Variants in PSMB7 observed in about 807,000 individuals in gnomAD.
The protein encoded by PSMB7 is proteasome 20S subunit beta 7.
Under a neutral mutation model 28.1 loss-of-function variants are expected in PSMB7, and 5 were observed. The ratio of observed to expected loss-of-function variants is 0.18; its 90% CI spans 0.09 to 0.37. PSMB7 has a LOEUF of 0.37. Ranked by LOEUF, PSMB7 falls within the 10% of genes least tolerant of loss-of-function variation. The probability of loss-of-function intolerance (pLI) is 1.00; values close to 1 mark genes in which losing one functional copy is unlikely to be tolerated. For missense variants in PSMB7, 275 were observed against 346.2 expected (o/e 0.79, Z 1.63); for synonymous variants, 122 against 123.7 (o/e 0.99, Z 0.09).
intron 6 of PSMB7, among the ~76,000 whole-genome samples, chr9:124,369,323 A>G (rs1830538737): frequency 6.6e-6 from 1 of 152,186 alleles, no homozygotes; most frequent in African/African-American, 2.4e-5. Flanking sequence ...AACTTTAACT[A>G]CCTTCCTGAG....
chr9:124,362,751 G>A (rs1830474834), intron 6 of PSMB7, among the ~76,000 whole-genome samples: 1 of 152,088 alleles, frequency 6.6e-6, no homozygotes, highest in Non-Finnish European at 1.5e-5. Context: ...TTGAGGTAAT[G>A]CATGTTAATA....
intron 3 of PSMB7, 106 bp from the exon 4 acceptor site, chr9:124,412,598 G>A: frequency 8.5e-7 from 1 of 1,179,608 alleles, no homozygotes. Context: ...ACAGAGAGAT[G>A]TTTTTGAGTA....
At chr9:124,379,163 C>A (rs1244710661) in intron 6 of PSMB7, among the ~76,000 whole-genome samples, 2 of 149,428 alleles carry the variant, frequency 1.3e-5, no homozygotes, top group African/African-American at 5.0e-5. Context: ...AAATAAAGCA[C>A]GAGATTTATC....
At chr9:124,400,150 C>G (rs1317807555) in intron 5 of PSMB7, among the ~76,000 whole-genome samples, 2 of 152,184 alleles carry the variant, frequency 1.3e-5, no homozygotes, top group African/African-American at 4.8e-5. Flanking sequence ...CAAACTCTGG[C>G]CTTTCAGTGC....
chr9:124,404,545 G>A (rs1830944275), intron 5 of PSMB7, among the ~76,000 whole-genome samples: 1 of 152,048 alleles, frequency 6.6e-6, no homozygotes. Flanking sequence ...CAAAAATCCA[G>A]AATCAAAAAT....
chr9:124,386,778 A>T (rs1252413990), intron 5 of PSMB7, among the ~76,000 whole-genome samples: 1 of 152,236 alleles, frequency 6.6e-6, no homozygotes, highest in African/African-American at 2.4e-5. Flanking sequence ...TTTTCCTTAA[A>T]AATCACTAGC....
At chr9:124,375,406 C>A (rs550318473) in intron 6 of PSMB7, among the ~76,000 whole-genome samples, 1 of 152,160 alleles carries the variant, frequency 6.6e-6, no homozygotes, top group Non-Finnish European at 1.5e-5. Flanking sequence ...TCAACCGATC[C>A]GCCCGTCTTG....
At chr9:124,408,533 T>C (rs1830991754) in intron 4 of PSMB7, among the ~76,000 whole-genome samples, 1 of 152,236 alleles carries the variant, frequency 6.6e-6, no homozygotes, top group African/African-American at 2.4e-5. Flanking sequence ...TAAGCTTTTA[T>C]GGGTCAGAGA....
chr9:124,397,422 G>T (rs1037071818), intron 5 of PSMB7, among the ~76,000 whole-genome samples: 1 of 152,184 alleles, frequency 6.6e-6, no homozygotes, highest in Non-Finnish European at 1.5e-5. Flanking sequence ...TCCTGCTCCT[G>T]GACCCAGCGC....
chr9:124,392,835 A>G (rs1830802626), intron 5 of PSMB7, among the ~76,000 whole-genome samples: 2 of 152,200 alleles, frequency 1.3e-5, no homozygotes, highest in African/African-American at 4.8e-5. Flanking sequence ...TCCTTCTGCT[A>G]AAGAGCGGTC....
At chr9:124,380,579 C>G (rs1830654003) in intron 6 of PSMB7, among the ~76,000 whole-genome samples, 1 of 152,066 alleles carries the variant, frequency 6.6e-6, no homozygotes, top group African/African-American at 2.4e-5. Flanking sequence ...ACCAGTACAT[C>G]AAACCCAGGA....
At chr9:124,391,534 G>A (rs1006552554) in intron 5 of PSMB7, among the ~76,000 whole-genome samples, 5 of 151,992 alleles carry the variant, frequency 3.3e-5, no homozygotes, top group Admixed American at 3.3e-4. Context: ...AAATTCAAAT[G>A]AGACTGGAAT....
At chr9:124,404,926 T>C (rs1414439391) in intron 5 of PSMB7, among the ~76,000 whole-genome samples, 5 of 152,168 alleles carry the variant, frequency 3.3e-5, no homozygotes, top group Non-Finnish European at 7.3e-5. Context: ...TTTAGGATTT[T>C]GGAGCTTTTC....
intron 6 of PSMB7, among the ~76,000 whole-genome samples, chr9:124,357,725 C>T (rs1364306076): frequency 6.6e-6 from 1 of 152,210 alleles, no homozygotes; most frequent in African/African-American, 2.4e-5. Flanking sequence ...CATGCTATAC[C>T]AGAAGCTAGG....
At chr9:124,412,033 C>T (rs1831032342) in intron 4 of PSMB7, among the ~76,000 whole-genome samples, 1 of 152,078 alleles carries the variant, frequency 6.6e-6, no homozygotes, top group Non-Finnish European at 1.5e-5. Flanking sequence ...AGTAGTTTCA[C>T]AAGACAACTT....
intron 4 of PSMB7, among the ~76,000 whole-genome samples, chr9:124,407,945 G>C (rs1830983745): frequency 6.6e-6 from 1 of 152,136 alleles, no homozygotes; most frequent in Non-Finnish European, 1.5e-5. Context: ...CCAGGAGTTT[G>C]AGACCAGCCT....
In PSMB7 at chr9:124,355,568, A is replaced by G. The variant is rs527400313; in HGVS notation, c.722+1196T>C. ...CAAAATAACCAGCGAAGCAGGCTACATGGAGTACTTGGCTCCTGCCTACCT... is the reference window on the plus strand; with the variant it reads ...CAAAATAACCAGCGAAGCAGGCTACGTGGAGTACTTGGCTCCTGCCTACCT... On this transcript the variant is annotated intron_variant, in intron 7 of 7. Transcript: ENST00000259457. Among the ~76,000 whole-genome samples the G allele has an allele frequency of 2.6e-5, 4 of 152,332 alleles. No individual in the cohort carries two copies. The East Asian group carries it at 5.8e-4, about 22-fold the overall frequency.
chr9:124,408,968 G>A (rs149680098), intron 4 of PSMB7, among the ~76,000 whole-genome samples: 5 of 152,140 alleles, frequency 3.3e-5, no homozygotes, highest in Non-Finnish European at 5.9e-5. Context: ...AGAAGACTAG[G>A]CTATACTACA....
At position 124,356,732 on chromosome 9, in the gene PSMB7, G is replaced by T; in HGVS notation, c.722+32C>A. On this transcript the variant is annotated intron_variant, in intron 7 of 7. Coordinates refer to ENST00000259457, the MANE Select transcript of PSMB7 (RefSeq NM_002799.4). The surrounding 1 kb of genome is among the most constrained non-coding windows in gnomAD (Gnocchi z 4.4). ...ACCAAGGGTGGCCACGACGCCAGGGGACCCAGGAAGAACTTCGTCTCCTTC... is the reference window on the plus strand; with the variant it reads ...ACCAAGGGTGGCCACGACGCCAGGGTACCCAGGAAGAACTTCGTCTCCTTC... 5.0e-6 allele frequency: 8 copies of T among 1,596,894 alleles called. No homozygotes were observed. Among genetic ancestry groups the T allele is most frequent in the Non-Finnish European group, 6.9e-6 (8 of 1,167,582 alleles).
Sources: allele counts gnomAD v4.1 joint callset (sites outside exome capture counted in the v4.1 genomes callset), GRCh38; gene constraint gnomAD v4.1.1; non-coding constraint Gnocchi (gnomAD v3.1); transcripts MANE v1.5; gene names NCBI Gene and HGNC (gene_info 2026-07-23, HGNC 2026-07-21).